Variants in FSTL4 observed in about 807,000 individuals in gnomAD.
The protein encoded by FSTL4 is follistatin like 4.
A neutral mutation model predicts 78.2 loss-of-function variants in FSTL4; 28 were observed. That is an observed-to-expected ratio of 0.36 (90% CI 0.27 to 0.49). FSTL4 has a LOEUF of 0.49. Ranked by LOEUF, FSTL4 falls within the 20% of genes least tolerant of loss-of-function variation. The probability of loss-of-function intolerance (pLI) is 0.98; values close to 1 mark genes in which losing one functional copy is unlikely to be tolerated. For synonymous variants in FSTL4, 422 were observed against 440.5 expected (o/e 0.96, Z 0.53); for missense variants, 922 against 1,084.9 (o/e 0.85, Z 2.11).
At chr5:133,504,628 C>G (rs986612943) in intron 3 of FSTL4, among the ~76,000 whole-genome samples, 2 of 152,202 alleles carry the variant, frequency 1.3e-5, no homozygotes. Context: ...TACTGCATTA[C>G]CTTGTCCCAT....
In FSTL4 at chr5:133,254,423, A is replaced by G. The variant is rs150919016; in HGVS notation, c.728-4847T>C. Among the ~76,000 whole-genome samples the G allele has an allele frequency of 4.5e-3, 682 of 152,364 alleles. 4 individuals are homozygous for G. The highest frequency in any genetic ancestry group is 0.016 in the African/African-American group (646 of 41,584). On this transcript the variant is annotated intron_variant, in intron 6 of 15. Transcript: ENST00000265342. ...AGGGCAAGAGGACTGAGTATTGTGC[A>G]GGTGTGGGACTGATTGGCCCATCAG...
chr5:133,400,951 CGCAGGAGGCCA>C lies in FSTL4; in HGVS notation c.185_195del (p.Leu62ArgfsTer39). The C allele has an allele frequency of 6.2e-7, 1 of 1,613,286 alleles. No homozygotes were observed. Among genetic ancestry groups the C allele is most frequent in the Non-Finnish European group, 8.5e-7 (1 of 1,180,010 alleles). ...CTCCCTCGGCTGCAGAACTTCTTCC[CGCAGGAGGCCA>C]GCAGCTCGTTGTGGCTGGAAAGCCC... On this transcript the variant is annotated frameshift_variant, in exon 4 of 16. Transcript: ENST00000265342. LOFTEE classifies it high-confidence loss of function.
chr5:133,271,968 G>C (rs1215382221), intron 6 of FSTL4, among the ~76,000 whole-genome samples: 2 of 152,184 alleles, frequency 1.3e-5, no homozygotes, highest in Non-Finnish European at 2.9e-5. Flanking sequence ...CTGAAGAGCA[G>C]CCAGCTTTGA....
intron 4 of FSTL4, among the ~76,000 whole-genome samples, chr5:133,349,026 G>C (rs1312159416): frequency 6.6e-6 from 1 of 152,192 alleles, no homozygotes; most frequent in Non-Finnish European, 1.5e-5. Flanking sequence ...ACCAGGGCTT[G>C]TGTGGTTTCT....
At chr5:133,693,411 A>G in the FSTL4 span, among the ~76,000 whole-genome samples, 1 of 152,196 alleles carries the variant, frequency 6.6e-6, no homozygotes, top group Admixed American at 6.5e-5. Context: ...GCATCCTCCC[A>G]AATTACAATA....
At chr5:133,512,973 A>C (rs968010212) in intron 3 of FSTL4, among the ~76,000 whole-genome samples, 4 of 152,062 alleles carry the variant, frequency 2.6e-5, no homozygotes, top group African/African-American at 9.7e-5. Context: ...ATGAGCTACC[A>C]TGCCTGGCTA....
chr5:133,668,053 G>A, the FSTL4 span, among the ~76,000 whole-genome samples: 1 of 152,226 alleles, frequency 6.6e-6, no homozygotes, highest in Non-Finnish European at 1.5e-5. Context: ...GCCCCAGGAA[G>A]CTCTTGTGAC....
intron 5 of FSTL4, among the ~76,000 whole-genome samples, chr5:133,315,195 T>G (rs1753875202): frequency 6.6e-6 from 1 of 152,152 alleles, no homozygotes; most frequent in South Asian, 2.1e-4. Context: ...GGTACCACTC[T>G]AAGCCATTCA....
At chr5:133,524,143 T>C (rs1377921352) in intron 3 of FSTL4, among the ~76,000 whole-genome samples, 2 of 151,836 alleles carry the variant, frequency 1.3e-5, no homozygotes, top group African/African-American at 4.8e-5. Context: ...GTGTCCTGCT[T>C]GAGGGGCAGA....
the FSTL4 span, among the ~76,000 whole-genome samples, chr5:133,658,828 A>G: frequency 3.3e-5 from 5 of 152,160 alleles, no homozygotes; most frequent in African/African-American, 1.2e-4. Context: ...CTGCTTTCAA[A>G]TGGTGAATTT....
rs181274301 is a variant in FSTL4, at chr5:133,292,845, G to A, written c.727+19809C>T. Among the ~76,000 whole-genome samples the A allele has an allele frequency of 8.3e-4, 127 of 152,158 alleles. 1 individual carries two copies. Among genetic ancestry groups the A allele is most frequent in the African/African-American group, 2.9e-3 (121 of 41,504 alleles). ...TTGTCATCTTTAATGTTTTCATTCC[G>A]AGGAATTAGAGAGCGCCACTGTGAT... On this transcript the variant is annotated intron_variant, in intron 6 of 15. Coordinates refer to ENST00000265342, the MANE Select transcript of FSTL4 (RefSeq NM_015082.2).
At chr5:133,447,626 G>A (rs1360889690) in intron 3 of FSTL4, among the ~76,000 whole-genome samples, 4 of 152,190 alleles carry the variant, frequency 2.6e-5, no homozygotes, top group Middle Eastern at 3.4e-3. Context: ...TGCAACCTCC[G>A]TCTCCTGGGT....
intron 12 of FSTL4, among the ~76,000 whole-genome samples, chr5:133,219,448 A>G (rs1751018648): frequency 6.6e-6 from 1 of 152,206 alleles, no homozygotes; most frequent in South Asian, 2.1e-4. Flanking sequence ...TTTGAACCCA[A>G]GTCTACCTGA....
At chr5:133,598,031 AC>A (rs1402387049) in intron 2 of FSTL4, among the ~76,000 whole-genome samples, 1 of 151,930 alleles carries the variant, frequency 6.6e-6, no homozygotes, top group East Asian at 1.9e-4. Flanking sequence ...GGTGCAAATG[AC>A]CCTAGAACCA....
the FSTL4 span, among the ~76,000 whole-genome samples, chr5:133,832,841 G>A: frequency 3.4e-4 from 52 of 152,298 alleles, no homozygotes; most frequent in Non-Finnish European, 1.0e-4. Flanking sequence ...CAACTCTGCC[G>A]TTGTGGCACC....
chr5:133,701,744 T>C, the FSTL4 span, among the ~76,000 whole-genome samples: 1 of 152,176 alleles, frequency 6.6e-6, no homozygotes, highest in East Asian at 1.9e-4. Context: ...ATAGGGTTCC[T>C]TACAAAATGC....
chr5:133,622,603 G>A, the FSTL4 span, among the ~76,000 whole-genome samples: 1 of 152,092 alleles, frequency 6.6e-6, no homozygotes, highest in Non-Finnish European at 1.5e-5. Flanking sequence ...ATTTGGTGTT[G>A]TCACTATTTT....
chr5:133,452,397 A>G lies in FSTL4; in HGVS notation c.161-51411T>C, dbSNP rs141756289. ...AGCAATGAGAGGAAAACAATGCAGGAATTCTTAGAGGGATCTGCAGCCAGA... is the reference window on the plus strand; with the variant it reads ...AGCAATGAGAGGAAAACAATGCAGGGATTCTTAGAGGGATCTGCAGCCAGA... On this transcript the variant is annotated intron_variant, in intron 3 of 15. Transcript: ENST00000265342. 9.8e-5 allele frequency among the ~76,000 whole-genome samples: 15 copies of G among 152,356 alleles called. No individual in the cohort carries two copies. In the East Asian group the frequency reaches 2.9e-3, roughly 29 times the overall value.
At chr5:133,620,917 A>G in the FSTL4 span, among the ~76,000 whole-genome samples, 1 of 152,162 alleles carries the variant, frequency 6.6e-6, no homozygotes, top group Admixed American at 6.5e-5. Context: ...TGATCCAGCT[A>G]CAGGTTATCT....
Sources: gnomAD v4.1 joint callset for allele counts (sites outside exome capture counted in the v4.1 genomes callset) on GRCh38, gnomAD v4.1.1 for gene constraint, MANE v1.5 for transcripts, NCBI Gene and HGNC (gene_info 2026-07-23, HGNC 2026-07-21) for gene names.